VWDE: variants seen among roughly 807,000 people sequenced by gnomAD.
VWDE encodes von Willebrand factor D and EGF domain-containing protein.
Under a neutral mutation model 178.4 loss-of-function variants are expected in VWDE, and 207 were observed. That is an observed-to-expected ratio of 1.16 (90% CI 1.04 to 1.30). The LOEUF is 1.30. Among genes scored for constraint, VWDE ranks in the 50% most tolerant of loss-of-function variants. The pLI is 0.00. For missense variants in VWDE, 2,287 were observed against 1,901.3 expected, an observed-to-expected ratio of 1.20 and a Z score of -3.77; for synonymous variants, 738 against 651.4, an observed-to-expected ratio of 1.13 and a Z score of -2.02.
At chr7:12,333,592 T>C in intron 27 of VWDE, 24 bp from the exon 28 acceptor site, 1 of 1,471,994 alleles carries the variant, frequency 6.8e-7, no homozygotes, top group Non-Finnish European at 9.3e-7. Context: ...ATTTTTACAA[T>C]GACCATCCTT....
At chr7:12,348,951 T>C (rs1008114945) in intron 19 of VWDE, among the ~76,000 whole-genome samples, 14 of 152,112 alleles carry the variant, frequency 9.2e-5, no homozygotes, top group African/African-American at 3.1e-4. Context: ...CTGGAAATCA[T>C]CATTCTCAGT....
At chr7:12,338,666 C>T (rs946671745) in intron 24 of VWDE, among the ~76,000 whole-genome samples, 1 of 152,066 alleles carries the variant, frequency 6.6e-6, no homozygotes, top group Non-Finnish European at 1.5e-5. Flanking sequence ...AGAAAATCCA[C>T]CCTCCACATA....
At chr7:12,401,916 C>T (rs924201222) in intron 1 of VWDE, among the ~76,000 whole-genome samples, 5 of 152,074 alleles carry the variant, frequency 3.3e-5, no homozygotes, top group Non-Finnish European at 2.9e-5. Flanking sequence ...AATGAATGTA[C>T]ATACAAAATA....
intron 9 of VWDE, among the ~76,000 whole-genome samples, chr7:12,374,063 C>G (rs1783368687): frequency 6.6e-6 from 1 of 152,076 alleles, no homozygotes; most frequent in Non-Finnish European, 1.5e-5. Flanking sequence ...GTTGATGCAA[C>G]ACTAAGACAT....
chr7:12,331,061 T>C lies in VWDE; in HGVS notation c.*122A>G. ...GATCATTATGTATTTTATTAGTTTC[T>C]TCAGTCTTTAAGATATTTTTTGAAT... On this transcript the variant is annotated 3_prime_UTR_variant, in exon 29 of 29. Transcript: ENST00000275358. 1.4e-6 allele frequency: 1 copy of C among 700,830 alleles called. No homozygotes were observed. Among genetic ancestry groups the C allele is most frequent in the Non-Finnish European group, 2.3e-6 (1 of 433,376 alleles). The allele number at this position is 700,830 out of a possible 1,614,324, so 43.4% of individuals were successfully genotyped here.
At chr7:12,346,170 G>C (rs1041536940) in intron 19 of VWDE, among the ~76,000 whole-genome samples, 1 of 152,092 alleles carries the variant, frequency 6.6e-6, no homozygotes, top group African/African-American at 2.4e-5. Flanking sequence ...AGATAACCCA[G>C]AATGTTAAAT....
At chr7:12,340,282 T>A (rs1781254363) in intron 24 of VWDE, 40 bp downstream of exon 24, 1 of 1,458,940 alleles carries the variant, frequency 6.9e-7, no homozygotes, top group African/African-American at 1.4e-5. Context: ...ATATCTAACT[T>A]TCCATTTGCC....
At chr7:12,356,421 T>C in intron 17 of VWDE, 91 bp from the exon 18 acceptor site, 1 of 916,838 alleles carries the variant, frequency 1.1e-6, no homozygotes, top group Non-Finnish European at 1.7e-6. Flanking sequence ...TGTATGTTTA[T>C]GTACAAGTAT....
chr7:12,389,726 A>C (rs994633721), intron 2 of VWDE, among the ~76,000 whole-genome samples: 2 of 152,238 alleles, frequency 1.3e-5, no homozygotes, highest in Non-Finnish European at 2.9e-5. Context: ...CACAAAGATA[A>C]ACTGATCTTG....
At chr7:12,399,406 A>G (rs573760180) in intron 1 of VWDE, among the ~76,000 whole-genome samples, 64 of 152,206 alleles carry the variant, frequency 4.2e-4, no homozygotes, top group South Asian at 1.4e-3. Flanking sequence ...ACTGAACCTA[A>G]TAACAGAGCA....
intron 18 of VWDE, among the ~76,000 whole-genome samples, chr7:12,354,709 A>G (rs920777607): frequency 6.6e-6 from 1 of 152,042 alleles, no homozygotes; most frequent in African/African-American, 2.4e-5. Context: ...AGACCTTTCA[A>G]GTACATACGA....
chr7:12,334,503 C>T (rs1038712854), intron 27 of VWDE, among the ~76,000 whole-genome samples: 12 of 152,136 alleles, frequency 7.9e-5, no homozygotes, highest in South Asian at 4.1e-4. Flanking sequence ...GTGAAATCCA[C>T]GAGGGCTCCA....
intron 2 of VWDE, among the ~76,000 whole-genome samples, chr7:12,390,877 A>T (rs1269613031): frequency 6.6e-6 from 1 of 152,110 alleles, no homozygotes; most frequent in Admixed American, 6.5e-5. Context: ...TTACTAATTT[A>T]ACTTATAAAA....
At chr7:12,355,364 T>C (rs1425083063) in intron 18 of VWDE, among the ~76,000 whole-genome samples, 5 of 148,638 alleles carry the variant, frequency 3.4e-5, no homozygotes, top group Non-Finnish European at 7.4e-5. Context: ...TGCAGTGAGC[T>C]GAGACGGCGC....
At chr7:12,394,793 T>A (rs772196907) in intron 1 of VWDE, among the ~76,000 whole-genome samples, 4 of 152,112 alleles carry the variant, frequency 2.6e-5, no homozygotes, top group Non-Finnish European at 5.9e-5. Context: ...AACAATTCAG[T>A]CACTAAAAAT....
chr7:12,383,511 T>C, intron 4 of VWDE, 25 bp downstream of exon 4: 1 of 1,545,244 alleles, frequency 6.5e-7, no homozygotes. Context: ...AAAACACTAT[T>C]AAAAAAGCAA....
chr7:12,375,158 C>T lies in VWDE; in HGVS notation c.1094G>A (p.Cys365Tyr), dbSNP rs776773280. Residue 365 changes from cysteine to tyrosine, a missense_variant, in exon 8 of 29, where the codon TGT becomes TAT. By Grantham distance (194) the Cys-to-Tyr change is radical. Coordinates refer to ENST00000275358, the MANE Select transcript of VWDE (RefSeq NM_001135924.3). ...CHVDLLQTSSCANGTCSHTFV... is the reference protein window; with the variant it reads ...CHVDLLQTSSYANGTCSHTFV... Reference sequence around the variant, plus strand: ...AGTGTGGCTACAGGTTCCATTAGCACAGGAAGATGTCTGGAGAAGGTCCAC... The same window carrying T: ...AGTGTGGCTACAGGTTCCATTAGCATAGGAAGATGTCTGGAGAAGGTCCAC... 4 of 1,551,056 alleles carry T rather than the reference C, an allele frequency of 2.6e-6. No homozygotes were observed. The highest frequency in any genetic ancestry group is 3.5e-6 in the Non-Finnish European group (4 of 1,146,646).
At chr7:12,348,211 CA>C (rs1781721987) in intron 19 of VWDE, among the ~76,000 whole-genome samples, 1 of 144,006 alleles carries the variant, frequency 6.9e-6, no homozygotes, top group African/African-American at 2.7e-5. Context: ...AACACAAAGC[CA>C]AAATTGACAA....
intron 19 of VWDE, among the ~76,000 whole-genome samples, chr7:12,348,411 T>G (rs1448645710): frequency 0.012 from 1,580 of 133,144 alleles, 27 homozygotes; most frequent in African/African-American, 0.047. Context: ...AAAAAGTGGT[T>G]GAAGGACATG....
Sources: allele counts gnomAD v4.1 joint callset (sites outside exome capture counted in the v4.1 genomes callset), GRCh38; gene constraint gnomAD v4.1.1; transcripts MANE v1.5; gene names NCBI Gene and HGNC (gene_info 2026-07-23, HGNC 2026-07-21).